PCDH11X: variants seen among roughly 807,000 people sequenced by gnomAD.
PCDH11X encodes the protein protocadherin-11 X-linked.
PCDH11X carries 18 observed loss-of-function variants against 53.3 expected under a neutral mutation model. The observed-to-expected ratio is 0.34, with a 90% confidence interval of 0.23 to 0.50. The LOEUF (loss-of-function observed/expected upper bound fraction) is 0.50, where lower values mean the gene tolerates loss of function less well. PCDH11X is among the 20% of genes least tolerant of loss of function. PCDH11X has a pLI of 0.98. For missense variants in PCDH11X, 570 were observed against 1,032.4 expected (o/e 0.55, Z 6.14); for synonymous variants, 279 against 393.3 (o/e 0.71, Z 3.44).
At chrX:91,845,419 A>T (rs1406808349) in intron 5 of PCDH11X, among the ~76,000 whole-genome samples, 1 of 107,948 alleles carries the variant, frequency 9.3e-6, no homozygotes, top group African/African-American at 3.5e-5. Context: ...TATTACCCCC[A>T]TCAAATGCAT....
chrX:91,932,709 C>T (rs931995283), intron 6 of PCDH11X, among the ~76,000 whole-genome samples: 5 of 110,034 alleles, frequency 4.5e-5, no homozygotes, highest in South Asian at 7.8e-4. Flanking sequence ...TGCGCGCGCG[C>T]GCGCCTGAGA....
intron 6 of PCDH11X, among the ~76,000 whole-genome samples, chrX:91,998,091 G>T (rs1261471438): frequency 1.8e-5 from 2 of 110,359 alleles, no homozygotes; most frequent in Non-Finnish European, 3.8e-5. Flanking sequence ...CCACCACCAT[G>T]CCCTGCTAAT....
intron 4 of PCDH11X, 66 bp from the exon 5 acceptor site, chrX:91,835,395 C>A: frequency 8.3e-7 from 1 of 1,205,446 alleles, no homozygotes; most frequent in Non-Finnish European, 1.1e-6. Context: ...TGTTAACATG[C>A]ATGTTTAGGG....
At chrX:92,544,932 C>A (rs1248019749) in intron 10 of PCDH11X, among the ~76,000 whole-genome samples, 1 of 111,330 alleles carries the variant, frequency 9.0e-6, no homozygotes, top group African/African-American at 3.3e-5. Flanking sequence ...GATTCAAGCC[C>A]CTACAAAACA....
chrX:92,203,947 C>T (rs1193872942), intron 7 of PCDH11X, among the ~76,000 whole-genome samples: 1 of 112,231 alleles, frequency 8.9e-6, no homozygotes, highest in Non-Finnish European at 1.9e-5. Context: ...GCCCCAACAC[C>T]ACATGTAAGC....
intron 6 of PCDH11X, among the ~76,000 whole-genome samples, chrX:91,946,576 T>C (rs1448311907): frequency 1.2e-5 from 1 of 85,753 alleles, no homozygotes; most frequent in Non-Finnish European, 2.3e-5. Context: ...TATATATATA[T>C]ATATATATAT....
At chrX:92,518,207 T>C (rs2074302345) in intron 10 of PCDH11X, among the ~76,000 whole-genome samples, 1 of 112,069 alleles carries the variant, frequency 8.9e-6, no homozygotes, top group Non-Finnish European at 1.9e-5. Context: ...ACTTTTATCT[T>C]GAAAAATATC....
intron 8 of PCDH11X, among the ~76,000 whole-genome samples, chrX:92,271,092 T>C (rs2067947558): frequency 1.8e-5 from 2 of 112,172 alleles, no homozygotes; most frequent in African/African-American, 3.2e-5. Flanking sequence ...ACAAAGGTAA[T>C]GTTTGTTGTG....
At chrX:92,548,027 C>CT (rs1270603690) in intron 10 of PCDH11X, among the ~76,000 whole-genome samples, 3 of 110,323 alleles carry the variant, frequency 2.7e-5, no homozygotes, top group African/African-American at 9.9e-5. Flanking sequence ...AACCAAAAGC[C>CT]TTTTTAAAAA....
At chrX:91,824,633 G>A in intron 4 of PCDH11X, among the ~76,000 whole-genome samples, 1 of 101,168 alleles carries the variant, frequency 9.9e-6, no homozygotes, top group Non-Finnish European at 1.9e-5. Flanking sequence ...TCCTCCTGTA[G>A]CTCAGAGTAA....
intron 7 of PCDH11X, among the ~76,000 whole-genome samples, chrX:92,230,284 G>A: frequency 9.6e-6 from 1 of 104,249 alleles, no homozygotes; most frequent in Non-Finnish European, 1.9e-5. Flanking sequence ...AACACATGAA[G>A]TAAAAAAAAA....
At chrX:91,820,286 C>A (rs1343969520) in intron 4 of PCDH11X, among the ~76,000 whole-genome samples, 1 of 78,452 alleles carries the variant, frequency 1.3e-5, no homozygotes, top group Non-Finnish European at 2.2e-5. Flanking sequence ...ACAGTCCCAC[C>A]AACAGTGTAA....
At chrX:92,280,562 A>AAATG (rs1354675513) in intron 8 of PCDH11X, among the ~76,000 whole-genome samples, 6 of 109,089 alleles carry the variant, frequency 5.5e-5, no homozygotes, top group Non-Finnish European at 1.1e-4. Flanking sequence ...ATAAATAAAT[A>AAATG]ATAGAATATA....
At chrX:91,961,661 A>G (rs1399694201) in intron 6 of PCDH11X, among the ~76,000 whole-genome samples, 6 of 108,038 alleles carry the variant, frequency 5.6e-5, no homozygotes, top group Non-Finnish European at 9.6e-5. Context: ...TACACTAACA[A>G]TGAACTCTCA....
chrX:92,324,024 A>G (rs1009219198), intron 8 of PCDH11X, among the ~76,000 whole-genome samples: 13 of 105,291 alleles, frequency 1.2e-4, no homozygotes, highest in African/African-American at 4.2e-4. Context: ...GTATTTCTTT[A>G]TTAAAATCAT....
intron 8 of PCDH11X, among the ~76,000 whole-genome samples, chrX:92,323,570 A>G: frequency 9.1e-6 from 1 of 110,005 alleles, no homozygotes; most frequent in South Asian, 3.9e-4. Flanking sequence ...TTTTAATTTA[A>G]TTTAATTTTT....
At chrX:92,615,493 T>C (rs1365912165) in intron 10 of PCDH11X, among the ~76,000 whole-genome samples, 2 of 111,863 alleles carry the variant, frequency 1.8e-5, no homozygotes, top group African/African-American at 6.5e-5. Context: ...ATAGCAGCTC[T>C]TCTCCTGCCC....
chrX:92,101,176 A>C (rs1325815341), intron 6 of PCDH11X, among the ~76,000 whole-genome samples: 4 of 111,796 alleles, frequency 3.6e-5, no homozygotes, highest in Admixed American at 9.5e-5. Context: ...CTGGCAGTGT[A>C]AACAAGAGCA....
intron 10 of PCDH11X, among the ~76,000 whole-genome samples, chrX:92,563,045 CCGTTTTTTTT>C: frequency 1.2e-5 from 1 of 80,851 alleles, no homozygotes; most frequent in African/African-American, 4.9e-5. Context: ...CTCCTTGGTA[CCGTTTTTTTT>C]TTTTTTTTTT....
Sources: gnomAD v4.1 joint callset for allele counts (sites outside exome capture counted in the v4.1 genomes callset) on GRCh38, gnomAD v4.1.1 for gene constraint, MANE v1.5 for transcripts, NCBI Gene and HGNC (gene_info 2026-07-23, HGNC 2026-07-21) for gene names.